Variants in NTN1 observed in about 807,000 individuals in gnomAD.
NTN1 encodes netrin-1.
In NTN1, 11 loss-of-function variants were observed where a neutral mutation model predicts 54.2. The ratio of observed to expected loss-of-function variants is 0.20; its 90% CI spans 0.13 to 0.34. The LOEUF is 0.34. Ranked by LOEUF, NTN1 falls within the 10% of genes least tolerant of loss-of-function variation. The pLI is 1.00. For missense variants in NTN1, 740 were observed against 893.1 expected (o/e 0.83, Z 2.18); for synonymous variants, 371 against 382.0 (o/e 0.97, Z 0.33).
intron 2 of NTN1, among the ~76,000 whole-genome samples, chr17:9,160,294 G>A (rs1197005128): frequency 2.0e-5 from 3 of 151,892 alleles, no homozygotes; most frequent in Non-Finnish European, 2.9e-5. Flanking sequence ...TAGTAGAGAC[G>A]GGGTTTCACC....
At chr17:9,016,511 G>T (rs2091832384), upstream of NTN1, among the ~76,000 whole-genome samples, 1 of 152,164 alleles carries the variant, frequency 6.6e-6, no homozygotes, top group South Asian at 2.1e-4. Flanking sequence ...TGTGATAAGG[G>T]AATTTTTCTT....
intron 2 of NTN1, among the ~76,000 whole-genome samples, chr17:9,045,773 T>G (rs533704840): frequency 6.6e-6 from 1 of 152,270 alleles, no homozygotes; most frequent in South Asian, 2.1e-4. Context: ...GTTGATTGTT[T>G]GGAAGGACTA....
At chr17:9,203,758 A>C (rs1166137144) in intron 5 of NTN1, among the ~76,000 whole-genome samples, 1 of 152,074 alleles carries the variant, frequency 6.6e-6, no homozygotes, top group East Asian at 1.9e-4. Flanking sequence ...AGCTGAGATC[A>C]TGCCACCGCA....
intron 6 of NTN1, among the ~76,000 whole-genome samples, chr17:9,230,727 G>T (rs1158789545): frequency 6.6e-6 from 1 of 152,148 alleles, no homozygotes; most frequent in African/African-American, 2.4e-5. Context: ...CCCGCAGAGC[G>T]GGAGCCCTGA....
intron 3 of NTN1, among the ~76,000 whole-genome samples, chr17:9,179,394 A>T (rs2092411114): frequency 3.3e-5 from 5 of 152,064 alleles, no homozygotes; most frequent in Admixed American, 3.3e-4. Flanking sequence ...GGGGGCAGGG[A>T]GCTGGTTGAG....
chr17:9,237,734 G>A (rs1316274192), intron 6 of NTN1, among the ~76,000 whole-genome samples: 2 of 152,186 alleles, frequency 1.3e-5, no homozygotes, highest in Non-Finnish European at 2.9e-5. Flanking sequence ...GGCTCTCAGG[G>A]ATGCTGGGGG....
chr17:9,025,081 T>C (rs913991288), intron 2 of NTN1, among the ~76,000 whole-genome samples: 1 of 152,210 alleles, frequency 6.6e-6, no homozygotes, highest in African/African-American at 2.4e-5. Flanking sequence ...AAGATAACTT[T>C]GTCTTGTCAC....
At chr17:9,127,070 C>CT (rs2092249593) in intron 2 of NTN1, among the ~76,000 whole-genome samples, 4 of 34,718 alleles carry the variant, frequency 1.2e-4, no homozygotes, top group Non-Finnish European at 2.2e-4. Flanking sequence ...TGTGGTAGGG[C>CT]CGGGGGGGGG....
In NTN1 at chr17:9,153,486, T is replaced by C. The variant is rs527681512; in HGVS notation, c.1019-9327T>C. On this transcript the variant is annotated intron_variant, in intron 2 of 6. Transcript: ENST00000173229. ...AACTCTGGGGGTTGACTCAGCTCTG[T>C]GTGTCTTAGGAGGGAATGCTGGTGA... 2.5e-3 allele frequency among the ~76,000 whole-genome samples: 386 copies of C among 152,236 alleles called. 2 individuals carry two copies. The highest frequency in any genetic ancestry group is 8.7e-3 in the African/African-American group (363 of 41,542).
rs531606431 is a variant in NTN1, at chr17:9,078,424, A to G, written c.1018+55033A>G. 3.3e-5 allele frequency among the ~76,000 whole-genome samples: 5 copies of G among 152,358 alleles called. No homozygotes were observed. In the South Asian group the frequency reaches 1.0e-3, roughly 32 times the overall value. On this transcript the variant is annotated intron_variant, in intron 2 of 6. Coordinates refer to ENST00000173229, the MANE Select transcript of NTN1 (RefSeq NM_004822.3). ...CACAAAGGCTGGTACATCTGGGAGC[A>G]GGTGAGGGATGGAGCGTGAGCATCC...
chr17:9,021,916 G>A (rs1322943907), intron 1 of NTN1, among the ~76,000 whole-genome samples: 4 of 152,174 alleles, frequency 2.6e-5, no homozygotes, highest in Non-Finnish European at 5.9e-5. Flanking sequence ...CGATCGGGGG[G>A]CATCTGAGAG....
intron 2 of NTN1, among the ~76,000 whole-genome samples, chr17:9,137,867 G>A (rs180983196): frequency 6.6e-6 from 1 of 152,332 alleles, no homozygotes; most frequent in East Asian, 1.9e-4. Context: ...GGCTGGACTT[G>A]GTGTTTTCCC....
intron 5 of NTN1, among the ~76,000 whole-genome samples, chr17:9,208,605 C>T (rs1905026397): frequency 6.6e-6 from 1 of 152,214 alleles, no homozygotes; most frequent in African/African-American, 2.4e-5. Flanking sequence ...GGCACAGGAA[C>T]AGATTCCAAG....
At chr17:9,054,494 G>T (rs939821176) in intron 2 of NTN1, among the ~76,000 whole-genome samples, 9 of 152,142 alleles carry the variant, frequency 5.9e-5, no homozygotes, top group African/African-American at 2.2e-4. Flanking sequence ...TCTATAATGG[G>T]GATATTCATC....
At chr17:9,095,293 T>C (rs2092127540) in intron 2 of NTN1, among the ~76,000 whole-genome samples, 1 of 152,240 alleles carries the variant, frequency 6.6e-6, no homozygotes, top group Admixed American at 6.5e-5. Flanking sequence ...GCTTTTTACT[T>C]TTATATAAGT....
rs542063600 is a variant in NTN1, at chr17:9,200,354, G to A, written c.1411+17385G>A. ...GGGAGCAGATACCAATGAATGCAGC[G>A]CCCGAATGGCTTCAGCTTATTAAAG... On this transcript the variant is annotated intron_variant, in intron 5 of 6. Coordinates refer to ENST00000173229, the MANE Select transcript of NTN1 (RefSeq NM_004822.3). 9.2e-5 allele frequency among the ~76,000 whole-genome samples: 14 copies of A among 152,348 alleles called. No individual in the cohort carries two copies. In the South Asian group the frequency reaches 1.2e-3, roughly 14 times the overall value.
chr17:9,029,087 T>C (rs7222654), intron 2 of NTN1, among the ~76,000 whole-genome samples: 119,878 of 151,952 alleles, frequency 0.79, 47,693 homozygotes, highest in African/African-American at 0.86. Context: ...TTTTGCCTGT[T>C]GTCTGGAAGC....
intron 2 of NTN1, among the ~76,000 whole-genome samples, chr17:9,055,474 A>G (rs1032847803): frequency 6.6e-6 from 1 of 152,198 alleles, no homozygotes; most frequent in African/African-American, 2.4e-5. Flanking sequence ...ACAAGGCACC[A>G]GGTGAGGCCT....
intron 2 of NTN1, among the ~76,000 whole-genome samples, chr17:9,093,271 T>C (rs1331638456): frequency 6.6e-6 from 1 of 152,272 alleles, no homozygotes; most frequent in Non-Finnish European, 1.5e-5. Flanking sequence ...TTGTGAATAA[T>C]ACTGCTATGA....
Sources: gnomAD v4.1 joint callset for allele counts (sites outside exome capture counted in the v4.1 genomes callset) on GRCh38, gnomAD v4.1.1 for gene constraint, MANE v1.5 for transcripts, NCBI Gene and HGNC (gene_info 2026-07-23, HGNC 2026-07-21) for gene names.